CFAP206: variants seen among roughly 807,000 people sequenced by gnomAD.
CFAP206 encodes the protein cilia- and flagella-associated protein 206.
A neutral mutation model predicts 65.4 loss-of-function variants in CFAP206; 53 were observed. The observed-to-expected ratio is 0.81, with a 90% confidence interval of 0.65 to 1.02. The LOEUF is 1.02. CFAP206 is among the 50% of genes least tolerant of loss of function. The pLI is 0.00. For synonymous variants in CFAP206, 250 were observed against 254.4 expected (o/e 0.98, Z 0.17); for missense variants, 663 against 753.2 (o/e 0.88, Z 1.40).
chr6:87,415,541 G>C (rs750488891), intron 4 of CFAP206, 145 bp from the exon 5 acceptor site: 1 of 800,130 alleles, frequency 1.2e-6, no homozygotes, highest in Admixed American at 2.0e-5. Flanking sequence ...GCTGGCCACT[G>C]TTTTTTATTT....
In CFAP206 at chr6:87,434,952, C is replaced by T. The variant is rs137999833; in HGVS notation, c.1393C>T (p.His465Tyr). The change falls in exon 11 of 13, where the codon CAT becomes TAT. Residue 465 changes from histidine (H) to tyrosine (Y), a missense_variant. Physicochemically the swap from His to Tyr is moderately conservative, Grantham distance 83 (BLOSUM62 2). Coordinates refer to ENST00000369562, the MANE Select transcript of CFAP206 (RefSeq NM_001031743.3). ...AAYSFAENPE[H>Y]YIDIVREKAK... ...ATATTCATTTGCAGAAAATCCTGAA[C>T]ATTATATTGACATAGTTAGAGAAAA... The T allele has an allele frequency of 3.6e-4, 571 of 1,584,062 alleles. No homozygotes were observed. Among genetic ancestry groups the T allele is most frequent in the Non-Finnish European group, 4.8e-4 (551 of 1,155,916 alleles).
At chr6:87,455,005 C>T (rs1439399506) in intron 11 of CFAP206, among the ~76,000 whole-genome samples, 9 of 151,746 alleles carry the variant, frequency 5.9e-5, no homozygotes, top group Admixed American at 1.3e-4. Context: ...TCACTGTAAC[C>T]TCTGCCTCCC....
chr6:87,447,976 T>TATTATTATTATTATTA (rs1768474527), intron 11 of CFAP206, among the ~76,000 whole-genome samples: 1 of 151,464 alleles, frequency 6.6e-6, no homozygotes. Context: ...ATTACTATAC[T>TATTATTATTATTATTA]TTAAGTTCTG....
At position 87,413,716 on chromosome 6, in the gene CFAP206, C is replaced by G. The variant is rs1476593031; in HGVS notation, c.193-94C>G. 1.2e-5 allele frequency: 9 copies of G among 765,730 alleles called. No individual in the cohort carries two copies. The East Asian group carries it at 2.7e-4, about 23-fold the overall frequency. The allele number at this position is 765,730 out of a possible 1,614,324, so 47.4% of individuals were successfully genotyped here. A position where few individuals can be genotyped will look rare whatever the true frequency, so the allele number is the denominator to read the frequency against. On this transcript the variant is annotated intron_variant, in intron 3 of 12. Coordinates refer to ENST00000369562, the MANE Select transcript of CFAP206 (RefSeq NM_001031743.3). ...ATTGGTGAATCAATATCAGGAACCA[C>G]TGCTTTTCCCTTTATTTTTGAAAAT... is the stretch of plus-strand genomic sequence containing the variant.
intron 6 of CFAP206, among the ~76,000 whole-genome samples, chr6:87,417,786 G>A (rs942774210): frequency 4.0e-4 from 50 of 126,132 alleles, no homozygotes; most frequent in African/African-American, 1.5e-3. Flanking sequence ...ATGGAGTTTC[G>A]TTCTTGTCGC....
intron 11 of CFAP206, chr6:87,444,866 C>T (rs1351731828): frequency 3.6e-6 from 2 of 551,490 alleles, no homozygotes; most frequent in African/African-American, 3.8e-5. Flanking sequence ...TGCTTCTTCC[C>T]AGTGGCCCAG....
intron 7 of CFAP206, among the ~76,000 whole-genome samples, chr6:87,422,452 A>G (rs894876970): frequency 1.7e-4 from 21 of 120,382 alleles, no homozygotes; most frequent in South Asian, 5.4e-4. Flanking sequence ...CTCCATCTCG[A>G]AAAAAAAAAA....
chr6:87,462,589 C>T (rs763992110), intron 12 of CFAP206, among the ~76,000 whole-genome samples: 3 of 152,068 alleles, frequency 2.0e-5, no homozygotes, highest in Non-Finnish European at 4.4e-5. Flanking sequence ...GAAAATTCTA[C>T]TAAATTAACA....
chr6:87,435,622 T>C (rs1315848473), intron 11 of CFAP206: 1 of 152,326 alleles, frequency 6.6e-6, no homozygotes, highest in African/African-American at 2.4e-5. Flanking sequence ...TATATTCTAA[T>C]GTTCTTCCTC....
intron 11 of CFAP206, among the ~76,000 whole-genome samples, chr6:87,439,296 T>C (rs1768327246): frequency 1.3e-5 from 2 of 152,152 alleles, no homozygotes; most frequent in Admixed American, 1.3e-4. Flanking sequence ...TATTTTATTC[T>C]CTACCTATTT....
At chr6:87,449,627 A>C (rs1768507723) in intron 11 of CFAP206, among the ~76,000 whole-genome samples, 1 of 152,046 alleles carries the variant, frequency 6.6e-6, no homozygotes, top group African/African-American at 2.4e-5. Context: ...TTTTATTCTA[A>C]GAAATGTCTC....
chr6:87,439,419 G>C (rs944095807), intron 11 of CFAP206, among the ~76,000 whole-genome samples: 17 of 151,942 alleles, frequency 1.1e-4, no homozygotes, highest in Non-Finnish European at 2.4e-4. Context: ...CTTTATCTTA[G>C]TGATTTGCAG....
chr6:87,446,007 T>C (rs1232191987), intron 11 of CFAP206, among the ~76,000 whole-genome samples: 1 of 152,128 alleles, frequency 6.6e-6, no homozygotes, highest in African/African-American at 2.4e-5. Flanking sequence ...CTTCTTTTGA[T>C]AAGTGTCTGT....
intron 11 of CFAP206, among the ~76,000 whole-genome samples, chr6:87,450,503 G>GTGTGTGTA (rs966327277): frequency 2.7e-5 from 4 of 149,910 alleles, no homozygotes; most frequent in African/African-American, 9.8e-5. Context: ...GTGTGTGTGT[G>GTGTGTGTA]TGTGTGTGTG....
In CFAP206 at chr6:87,418,276, C is replaced by T. The variant is rs140079201; in HGVS notation, c.700C>T (p.Arg234Trp). 122 of 1,614,064 alleles carry T rather than the reference C, an allele frequency of 7.6e-5. No individual in the cohort carries two copies. In the African/African-American group the frequency reaches 9.2e-4, roughly 12 times the overall value. ...TATTGATTACCAGCTTGAGACTGCC[C>T]GGAGCCAGGTATACCGCTACACAGC... ...QHIDYQLETA[R>W]SQVYRYTAIL... The change falls in exon 7 of 13, where the codon CGG becomes TGG. Residue 234 changes from arginine (R) to tryptophan (W), a missense_variant. Coordinates refer to ENST00000369562, the MANE Select transcript of CFAP206 (RefSeq NM_001031743.3).
chr6:87,443,253 T>A (rs189765137), intron 11 of CFAP206, among the ~76,000 whole-genome samples: 5 of 152,264 alleles, frequency 3.3e-5, no homozygotes, highest in Admixed American at 3.3e-4. Flanking sequence ...TTATGAAGAT[T>A]TCACAATATC....
intron 11 of CFAP206, among the ~76,000 whole-genome samples, chr6:87,444,152 T>C (rs1382845754): frequency 6.6e-6 from 1 of 152,162 alleles, no homozygotes; most frequent in Non-Finnish European, 1.5e-5. Flanking sequence ...ATTTTTAAGG[T>C]TTAAAAAGTG....
At chr6:87,441,358 C>G (rs756132305) in intron 11 of CFAP206, 2 of 156,358 alleles carry the variant, frequency 1.3e-5, no homozygotes, top group African/African-American at 2.4e-5. Context: ...ACTTCCACAA[C>G]TTTCCCAATC....
chr6:87,441,541 C>G (rs1485865859), intron 11 of CFAP206: 3 of 161,084 alleles, frequency 1.9e-5, no homozygotes, highest in Non-Finnish European at 4.1e-5. Flanking sequence ...TATTTCCACT[C>G]TCATGAGTGA....
Sources: gnomAD v4.1 joint callset for allele counts (sites outside exome capture counted in the v4.1 genomes callset) on GRCh38, gnomAD v4.1.1 for gene constraint, MANE v1.5 for transcripts, NCBI Gene and HGNC (gene_info 2026-07-23, HGNC 2026-07-21) for gene names.